IMPG2: variants seen among roughly 807,000 people sequenced by gnomAD.
IMPG2 encodes IPM 200.
IMPG2 carries 91 observed loss-of-function variants against 129.2 expected under a neutral mutation model. That is an observed-to-expected ratio of 0.70 (90% CI 0.59 to 0.84). The LOEUF (loss-of-function observed/expected upper bound fraction) is 0.84. IMPG2 is among the 40% of genes least tolerant of loss of function. The pLI, the probability that IMPG2 is intolerant of heterozygous loss-of-function variation, is 0.00. For synonymous variants in IMPG2, 510 were observed against 517.7 expected (o/e 0.99, Z 0.20); for missense variants, 1,430 against 1,461.7 (o/e 0.98, Z 0.35).
chr3:101,232,531 C>A (rs1031795855), intron 15 of IMPG2, among the ~76,000 whole-genome samples: 1 of 152,100 alleles, frequency 6.6e-6, no homozygotes, highest in African/African-American at 2.4e-5. Flanking sequence ...AGCCACTGCA[C>A]CCAGCCAGTA....
At chr3:101,301,710 T>C (rs1707141106) in intron 3 of IMPG2, among the ~76,000 whole-genome samples, 1 of 152,196 alleles carries the variant, frequency 6.6e-6, no homozygotes, top group Non-Finnish European at 1.5e-5. Flanking sequence ...CTACTAATTT[T>C]GTTCCTATTT....
intron 2 of IMPG2, among the ~76,000 whole-genome samples, chr3:101,310,751 G>C (rs1707256159): frequency 6.6e-6 from 1 of 152,112 alleles, no homozygotes; most frequent in Admixed American, 6.5e-5. Flanking sequence ...CCGAAGAAAT[G>C]TAGTTGGAAG....
intron 11 of IMPG2, among the ~76,000 whole-genome samples, chr3:101,249,171 A>G (rs1706517206): frequency 6.6e-6 from 1 of 152,158 alleles, no homozygotes; most frequent in South Asian, 2.1e-4. Flanking sequence ...CACTGTTGTT[A>G]GTCTCTGCAT....
rs747756597 is a variant in IMPG2, at chr3:101,231,045, G to T, written c.3334C>A (p.Leu1112Ile). 6.2e-7 allele frequency: 1 copy of T among 1,614,106 alleles called. No individual in the cohort carries two copies. Among genetic ancestry groups the T allele is most frequent in the African/African-American group, 1.3e-5 (1 of 75,052 alleles). ...IGITIASVVGLLVIFSAIIYF... is the reference protein window; with the variant it reads ...IGITIASVVGILVIFSAIIYF... Reference sequence around the variant, plus strand: ...ATGATAGCAGAAAAGATGACAAGAAGTCCAACCACGGAGGCAATAGTGATG... The same window carrying T: ...ATGATAGCAGAAAAGATGACAAGAATTCCAACCACGGAGGCAATAGTGATG... The change falls in exon 16 of 19, where the codon CTT (leucine) becomes ATT (isoleucine). Residue 1112 changes from leucine to isoleucine, a missense_variant. Transcript: ENST00000193391.
intron 3 of IMPG2, among the ~76,000 whole-genome samples, chr3:101,302,117 A>G (rs1429238849): frequency 6.6e-6 from 1 of 152,202 alleles, no homozygotes; most frequent in Non-Finnish European, 1.5e-5. Flanking sequence ...CATTTAAGTA[A>G]CTTGTACTTA....
At chr3:101,255,682 C>G (rs1292918363) in intron 10 of IMPG2, among the ~76,000 whole-genome samples, 1 of 152,008 alleles carries the variant, frequency 6.6e-6, no homozygotes, top group Non-Finnish European at 1.5e-5. Context: ...CATGGTTAGC[C>G]CCGGCTAATC....
At chr3:101,279,548 G>C (rs535387372) in intron 4 of IMPG2, among the ~76,000 whole-genome samples, 4 of 152,278 alleles carry the variant, frequency 2.6e-5, no homozygotes, top group African/African-American at 9.6e-5. Flanking sequence ...GAAAGAGGAA[G>C]GGGAACCTGG....
At chr3:101,254,011 A>C (rs1320770832) in intron 10 of IMPG2, among the ~76,000 whole-genome samples, 1 of 152,114 alleles carries the variant, frequency 6.6e-6, no homozygotes, top group African/African-American at 2.4e-5. Context: ...TCTTCCCATT[A>C]TCACATTTAG....
rs879352995 is a variant in IMPG2, at chr3:101,256,221, A to AAAGAAAGAAAGAAAG, written c.1153+1307_1153+1308insCTTTCTTTCTTTCTT. 4.6e-5 allele frequency among the ~76,000 whole-genome samples: 6 copies of AAAGAAAGAAAGAAAG among 131,480 alleles called. 1 individual carries two copies. The highest frequency in any genetic ancestry group is 4.8e-4 in the East Asian group (2 of 4,168). The allele number at this position is 131,480 out of a possible 152,430, so 86.3% of individuals were successfully genotyped here. ...AGAAAGAAAGAAAGAAAGAAAGAAA[A>AAAGAAAGAAAGAAAG]AAATATCTTATTTGGGAAATAAGAG... On this transcript the variant is annotated intron_variant, in intron 10 of 18. Transcript: ENST00000193391.
chr3:101,232,153 C>T (rs1265695754), intron 15 of IMPG2, among the ~76,000 whole-genome samples: 1 of 152,102 alleles, frequency 6.6e-6, no homozygotes, highest in Non-Finnish European at 1.5e-5. Flanking sequence ...CACCAGTTTC[C>T]TTACCATCAC....
chr3:101,243,522 T>C lies in IMPG2; in HGVS notation c.2802+7A>G, dbSNP rs903921999. ...ACTAGTGCCCATGTTTCACTTTTTA[T>C]GCTTACCAATTCTAAGAATCTTTGC... On this transcript the variant is annotated splice_region_variant and intron_variant, in intron 13 of 18. Coordinates refer to ENST00000193391, the MANE Select transcript of IMPG2 (RefSeq NM_016247.4). 3.6e-5 allele frequency: 58 copies of C among 1,613,148 alleles called. No individual in the cohort carries two copies. Among genetic ancestry groups the C allele is most frequent in the Non-Finnish European group, 4.7e-5 (56 of 1,179,480 alleles).
intron 7 of IMPG2, among the ~76,000 whole-genome samples, chr3:101,270,717 G>T (rs1385622490): frequency 6.6e-6 from 1 of 151,958 alleles, no homozygotes; most frequent in Admixed American, 6.6e-5. Flanking sequence ...GGAGAATGGC[G>T]TGAACCCGGG....
rs1276649067 is a variant in IMPG2 at position 101,224,902 on chromosome 3, T to G, written c.*2067A>C. 6.6e-6 allele frequency: 1 copy of G among 152,216 alleles called. No individual in the cohort carries two copies. The highest frequency in any genetic ancestry group is 2.4e-5 in the African/African-American group (1 of 41,448). The allele number at this position is 152,216 out of a possible 1,614,324, so 9.4% of individuals were successfully genotyped here. ...GTGTCAGAATTCCCAAATTCCCACT[T>G]CACTGCTTAGTTTGTGGAAAACAAC... On this transcript the variant is annotated 3_prime_UTR_variant, in exon 19 of 19. Coordinates refer to ENST00000193391, the MANE Select transcript of IMPG2 (RefSeq NM_016247.4).
chr3:101,240,318 T>C (rs1401813684), intron 14 of IMPG2, among the ~76,000 whole-genome samples: 1 of 152,034 alleles, frequency 6.6e-6, no homozygotes, highest in African/African-American at 2.4e-5. Context: ...GGAGACTCAC[T>C]ATGTTGCTTA....
chr3:101,284,059 C>T (rs1210866552), intron 4 of IMPG2, among the ~76,000 whole-genome samples: 1 of 152,098 alleles, frequency 6.6e-6, no homozygotes, highest in African/African-American at 2.4e-5. Context: ...TTTGAATCTA[C>T]AGGCAACAGA....
chr3:101,287,555 G>A (rs1183297586), intron 4 of IMPG2, among the ~76,000 whole-genome samples: 2 of 152,168 alleles, frequency 1.3e-5, no homozygotes, highest in South Asian at 4.1e-4. Flanking sequence ...TAGACCAATG[G>A]AACAGGATAG....
chr3:101,313,446 A>G (rs1559661126), intron 2 of IMPG2, among the ~76,000 whole-genome samples: 1 of 152,180 alleles, frequency 6.6e-6, no homozygotes, highest in African/African-American at 2.4e-5. Flanking sequence ...AAATAAGGAT[A>G]TTATAGCCTT....
Position 101,246,189 on chromosome 3 carries a change from T to C in IMPG2, c.1240-84A>G, listed in dbSNP as rs556534229. 94 of 1,293,204 alleles carry C rather than the reference T, an allele frequency of 7.3e-5. 2 individuals carry two copies. The South Asian group carries it at 1.2e-3, about 16-fold the overall frequency. 80.1% of individuals were successfully genotyped at this position (1,293,204 alleles called of 1,614,324 possible). The stretch of plus-strand genomic sequence containing the variant: ...TTTAAATACCACCTATCTGTCTATA[T>C]TCCCAGATCTTCTAGGGACAAGGAG... On this transcript the variant is annotated intron_variant, in intron 11 of 18. Transcript: ENST00000193391.
rs2107219194 is a variant in IMPG2, at chr3:101,243,666, C to G, written c.2665G>C (p.Asp889His). The G allele has an allele frequency of 1.2e-6, 2 of 1,614,042 alleles. No individual in the cohort carries two copies. Among genetic ancestry groups the G allele is most frequent in the East Asian group, 4.5e-5 (2 of 44,874 alleles). Residue 889 changes from aspartate to histidine, a missense_variant, in exon 13 of 19, where the codon GAC (aspartate) becomes CAC (histidine). Coordinates refer to ENST00000193391, the MANE Select transcript of IMPG2 (RefSeq NM_016247.4). ...SVAWPTEGGD[D>H]LSYTQTSGAL... ...CCTGAAGTCTGGGTATAACTCAAGT[C>G]ATCTCCTCCTTCTGTGGGCCAAGCC...
Sources: gnomAD v4.1 joint callset for allele counts (sites outside exome capture counted in the v4.1 genomes callset) on GRCh38, gnomAD v4.1.1 for gene constraint, MANE v1.5 for transcripts, NCBI Gene and HGNC (gene_info 2026-07-23, HGNC 2026-07-21) for gene names.